The following ISM1 variants were observed in gnomAD, a reference collection of about 807,000 sequenced individuals.
ISM1 encodes the protein isthmin 1, also known as isthmin-1.
Under a neutral mutation model 46.3 loss-of-function variants are expected in ISM1, and 25 were observed. The observed-to-expected ratio is 0.54, with a 90% CI of 0.39 to 0.75. The LOEUF is 0.75. ISM1 is among the 30% of genes least tolerant of loss of function. ISM1 has a pLI of 0.00. For missense variants in ISM1, 536 were observed against 625.4 expected, an observed-to-expected ratio of 0.86 and a Z score of 1.52; for synonymous variants, 255 against 256.7, an observed-to-expected ratio of 0.99 and a Z score of 0.06.
chr20:13,270,982 G>A lies in ISM1; in HGVS notation c.378+239G>A, dbSNP rs560480049. ...AAAGAAGAAAACACTACCAATTAAA[G>A]TATGACACACCAAGGATTACAAGAT... On this transcript the variant is annotated intron_variant, in intron 2 of 5. Coordinates refer to ENST00000262487, the MANE Select transcript of ISM1 (RefSeq NM_080826.2). Among the ~76,000 whole-genome samples the A allele has an allele frequency of 1.1e-4, 17 of 152,208 alleles. No homozygotes were observed. The South Asian group carries it at 2.7e-3, about 24-fold the overall frequency.
chr20:13,221,338 T>G lies in ISM1; in HGVS notation c.-439T>G. On this transcript the variant is annotated 5_prime_UTR_variant, in exon 1 of 6. Coordinates refer to ENST00000262487, the MANE Select transcript of ISM1 (RefSeq NM_080826.2). ...CTCCAGCTGCGGCGCCGCGGCCACA[T>G]CTGGGGCGCCCATGTGCGCTCGGGG... Among the ~76,000 whole-genome samples, 1 of 143,196 alleles carries G rather than the reference T, an allele frequency of 7.0e-6. No individual in the cohort carries two copies. Among genetic ancestry groups the G allele is most frequent in the Admixed American group, 6.9e-5 (1 of 14,548 alleles). The allele number at this position is 143,196 out of a possible 152,430, so 93.9% of individuals were successfully genotyped here.
intron 1 of ISM1, among the ~76,000 whole-genome samples, chr20:13,265,223 C>T (rs1276875907): frequency 1.3e-5 from 2 of 152,196 alleles, no homozygotes; most frequent in Non-Finnish European, 2.9e-5. Flanking sequence ...TCCCCAGCTC[C>T]CTGTTCTCTT....
intron 1 of ISM1, among the ~76,000 whole-genome samples, chr20:13,264,325 C>T (rs1568676747): frequency 6.6e-6 from 1 of 152,152 alleles, no homozygotes; most frequent in Non-Finnish European, 1.5e-5. Context: ...TGATTTGTGC[C>T]TCTTCTGGAG....
At chr20:13,268,110 T>C (rs2040063394) in intron 1 of ISM1, among the ~76,000 whole-genome samples, 1 of 148,594 alleles carries the variant, frequency 6.7e-6, no homozygotes, top group African/African-American at 2.5e-5. Flanking sequence ...CTCTCTCCTC[T>C]CCTGTCTTCT....
intron 1 of ISM1, among the ~76,000 whole-genome samples, chr20:13,247,517 GGTGTGTGTGTGTGTGTGT>G (rs35224672): frequency 2.9e-5 from 4 of 139,806 alleles, no homozygotes; most frequent in East Asian, 2.1e-4. Context: ...CAAAGTGAGG[GGTGTGTGTGTGTGTGTGT>G]GTGTGTGTGT....
chr20:13,271,934 A>G (rs1326634747), intron 2 of ISM1, among the ~76,000 whole-genome samples: 1 of 152,034 alleles, frequency 6.6e-6, no homozygotes, highest in Non-Finnish European at 1.5e-5. Context: ...GTGTGCCCCC[A>G]CATCCAGCTC....
chr20:13,221,768 C>G lies in ISM1; in HGVS notation c.-9C>G, dbSNP rs2039451621. 2 of 1,436,056 alleles carry G rather than the reference C, an allele frequency of 1.4e-6. No individual in the cohort carries two copies. The highest frequency in any genetic ancestry group is 1.8e-6 in the Non-Finnish European group (2 of 1,099,248). 89.0% of individuals were successfully genotyped at this position (1,436,056 alleles called of 1,614,324 possible). ...CGCGCCGGGTCCTAAAGCCGCGCGT[C>G]TCAAAAGGATGGTGCGCCTGGCGGC... On this transcript the variant is annotated 5_prime_UTR_variant, in exon 1 of 6. Coordinates refer to ENST00000262487, the MANE Select transcript of ISM1 (RefSeq NM_080826.2).
chr20:13,272,942 A>G (rs2040132384), intron 2 of ISM1, among the ~76,000 whole-genome samples: 1 of 152,234 alleles, frequency 6.6e-6, no homozygotes, highest in Admixed American at 6.5e-5. Context: ...GCTTTTTCCC[A>G]GAGGTGGGAA....
chr20:13,289,668 G>A (rs1405988155), intron 4 of ISM1, among the ~76,000 whole-genome samples: 2 of 96,632 alleles, frequency 2.1e-5, no homozygotes, highest in South Asian at 3.9e-4. Context: ...GAAGGAGGAG[G>A]AGGAGGGGGA....
At chr20:13,267,783 A>G (rs1446526005) in intron 1 of ISM1, among the ~76,000 whole-genome samples, 1 of 152,224 alleles carries the variant, frequency 6.6e-6, no homozygotes, top group African/African-American at 2.4e-5. Flanking sequence ...AGAGTACTCC[A>G]TTCACAGGGG....
At chr20:13,309,286 T>TA in the ISM1 span, among the ~76,000 whole-genome samples, 118 of 142,742 alleles carry the variant, frequency 8.3e-4, no homozygotes, top group Admixed American at 2.0e-3. Flanking sequence ...TTTATTTCTT[T>TA]AAAAAAAAAA....
chr20:13,274,435 G>T (rs1449441944), intron 2 of ISM1, among the ~76,000 whole-genome samples: 2 of 152,146 alleles, frequency 1.3e-5, no homozygotes. Context: ...AGGGCTCCTG[G>T]CCTCATCTGC....
chr20:13,280,359 C>T (rs1335932074), intron 3 of ISM1, among the ~76,000 whole-genome samples: 1 of 135,130 alleles, frequency 7.4e-6, no homozygotes, highest in East Asian at 2.1e-4. Context: ...TGGGAACCCA[C>T]ATGAACGTGT....
At chr20:13,268,977 A>G (rs1331257418) in intron 1 of ISM1, among the ~76,000 whole-genome samples, 1 of 152,142 alleles carries the variant, frequency 6.6e-6, no homozygotes, top group Non-Finnish European at 1.5e-5. Flanking sequence ...GCTCTCCAAG[A>G]AGATATGTAT....
intron 3 of ISM1, among the ~76,000 whole-genome samples, chr20:13,288,330 C>T (rs2040315397): frequency 6.6e-6 from 1 of 152,164 alleles, no homozygotes; most frequent in Non-Finnish European, 1.5e-5. Flanking sequence ...TACAGACCAC[C>T]ACAGTGCCCA....
intron 4 of ISM1, among the ~76,000 whole-genome samples, chr20:13,290,477 G>A (rs969800215): frequency 3.9e-5 from 6 of 152,142 alleles, no homozygotes; most frequent in Middle Eastern, 3.4e-3. Context: ...GTGAAATGCC[G>A]TCTCTACTAA....
At chr20:13,258,911 T>G (rs1249770649) in intron 1 of ISM1, among the ~76,000 whole-genome samples, 1 of 152,054 alleles carries the variant, frequency 6.6e-6, no homozygotes, top group East Asian at 1.9e-4. Flanking sequence ...AACATCCGGA[T>G]AGGGGCCTCT....
intron 1 of ISM1, among the ~76,000 whole-genome samples, chr20:13,255,966 A>G (rs749355878): frequency 7.3e-5 from 11 of 151,686 alleles, no homozygotes; most frequent in Non-Finnish European, 1.5e-4. Context: ...AGAGGGAAAG[A>G]CCATTTGTAA....
At chr20:13,312,480 C>CT in the ISM1 span, among the ~76,000 whole-genome samples, 3 of 152,202 alleles carry the variant, frequency 2.0e-5, no homozygotes, top group Admixed American at 2.0e-4. Context: ...CTTCCTCTCC[C>CT]TCATGCACAG....
Sources: allele counts gnomAD v4.1 joint callset (sites outside exome capture counted in the v4.1 genomes callset), GRCh38; gene constraint gnomAD v4.1.1; transcripts MANE v1.5; gene names NCBI Gene and HGNC (gene_info 2026-07-23, HGNC 2026-07-21).